Variants in CCDC148 observed in about 807,000 individuals in gnomAD.
The protein encoded by CCDC148 is coiled-coil domain-containing protein 148.
In CCDC148, 89 loss-of-function variants were observed where a neutral mutation model predicts 85.7. The observed-to-expected ratio is 1.04, with a 90% CI of 0.87 to 1.24. CCDC148 has a LOEUF of 1.24. CCDC148 is among the 50% of genes most tolerant of loss of function. The pLI, the probability that CCDC148 is intolerant of heterozygous loss-of-function variation, is 0.00. For missense variants in CCDC148, 692 were observed against 671.7 expected (o/e 1.03, Z -0.33); for synonymous variants, 230 against 213.9 (o/e 1.08, Z -0.66).
chr2:158,434,466 C>T (rs951999787), intron 1 of CCDC148, among the ~76,000 whole-genome samples: 46 of 152,150 alleles, frequency 3.0e-4, no homozygotes, highest in African/African-American at 8.2e-4. Context: ...AAAACACCAA[C>T]TGTATGTCAC....
chr2:158,339,045 C>T lies in CCDC148; in HGVS notation c.527G>A (p.Arg176Lys). The T allele has an allele frequency of 6.2e-7, 1 of 1,613,888 alleles. No homozygotes were observed. Among genetic ancestry groups the T allele is most frequent in the Non-Finnish European group, 8.5e-7 (1 of 1,179,872 alleles). ...TATTCTCTGTTGCTCCAGCCTAAGT[C>T]TTTCAAAGACAGTTTTCAATTGTTT... ...VKKQLKTVFE[R>K]LRLEQQRIEN... The change falls in exon 6 of 14, where the codon AGA (arginine) becomes AAA (lysine). Residue 176 changes from arginine (R) to lysine (K), a missense_variant. Physicochemically the swap from Arg to Lys is conservative, Grantham distance 26 (BLOSUM62 2). Transcript: ENST00000283233.
chr2:158,321,900 AG>A (rs1393128549), intron 7 of CCDC148, among the ~76,000 whole-genome samples: 1 of 152,178 alleles, frequency 6.6e-6, no homozygotes, highest in Non-Finnish European at 1.5e-5. Context: ...CTTTCACATA[AG>A]GACAGTGAAA....
intron 1 of CCDC148, among the ~76,000 whole-genome samples, chr2:158,433,547 G>A (rs577073183): frequency 4.5e-4 from 69 of 152,220 alleles, no homozygotes; most frequent in African/African-American, 1.6e-3. Context: ...CCAGTCTACA[G>A]CTCCCAGCAT....
intron 1 of CCDC148, among the ~76,000 whole-genome samples, chr2:158,411,671 A>G (rs1169850291): frequency 6.6e-6 from 1 of 152,092 alleles, no homozygotes; most frequent in Non-Finnish European, 1.5e-5. Context: ...TTTGTCAGGC[A>G]ATTTGTAGAT....
intron 10 of CCDC148, among the ~76,000 whole-genome samples, chr2:158,239,076 T>C (rs1027475877): frequency 3.3e-5 from 5 of 152,140 alleles, no homozygotes; most frequent in Admixed American, 1.3e-4. Context: ...GTTAAGAAGA[T>C]TAAATGAACA....
chr2:158,345,939 T>G (rs754535674), intron 2 of CCDC148, among the ~76,000 whole-genome samples: 3 of 152,206 alleles, frequency 2.0e-5, no homozygotes, highest in African/African-American at 4.8e-5. Flanking sequence ...AAGTGCGTCT[T>G]TGTAAAAAAA....
At chr2:158,400,624 A>G (rs1361395236) in intron 1 of CCDC148, among the ~76,000 whole-genome samples, 1 of 152,190 alleles carries the variant, frequency 6.6e-6, no homozygotes, top group African/African-American at 2.4e-5. Context: ...AACCTAGGCA[A>G]TACCATTCAG....
chr2:158,417,029 T>G (rs1686531669), intron 1 of CCDC148, among the ~76,000 whole-genome samples: 1 of 151,770 alleles, frequency 6.6e-6, no homozygotes, highest in Admixed American at 6.6e-5. Context: ...AAGGGAGAGG[T>G]GCTATACACT....
At chr2:158,415,184 A>C (rs1252697011) in intron 1 of CCDC148, among the ~76,000 whole-genome samples, 1 of 151,828 alleles carries the variant, frequency 6.6e-6, no homozygotes, top group African/African-American at 2.4e-5. Context: ...CAGGCTGTAC[A>C]GGAGGCATGG....
intron 1 of CCDC148, among the ~76,000 whole-genome samples, chr2:158,434,293 G>A (rs555180586): frequency 6.6e-6 from 1 of 152,294 alleles, no homozygotes; most frequent in South Asian, 2.1e-4. Context: ...GGATCAGGCA[G>A]CAACATTTGT....
intron 9 of CCDC148, among the ~76,000 whole-genome samples, chr2:158,253,864 A>G (rs552029128): frequency 4.5e-4 from 68 of 151,756 alleles, no homozygotes; most frequent in African/African-American, 1.6e-3. Flanking sequence ...ATCACAGAGG[A>G]ACAAGCAGAC....
intron 1 of CCDC148, among the ~76,000 whole-genome samples, chr2:158,422,476 A>T (rs1686847541): frequency 6.6e-6 from 1 of 152,182 alleles, no homozygotes; most frequent in African/African-American, 2.4e-5. Context: ...AGAACCAAAG[A>T]CAAATCCACA....
rs145642424 is a variant in CCDC148 at position 158,432,926 on chromosome 2, T to C, written c.25+23489A>G. Among the ~76,000 whole-genome samples the C allele has an allele frequency of 4.9e-3, 737 of 150,654 alleles. 3 individuals are homozygous for C. Among genetic ancestry groups the C allele is most frequent in the African/African-American group, 0.017 (703 of 40,968 alleles). On this transcript the variant is annotated intron_variant, in intron 1 of 13. Transcript: ENST00000283233. The stretch of plus-strand genomic sequence containing the variant: ...GTGTATGATGTGATGCCTCAAATCA[T>C]ACACAAAAATTAACATAGGTAAAAT...
At chr2:158,387,046 T>G (rs1238551780) in intron 1 of CCDC148, among the ~76,000 whole-genome samples, 1 of 152,194 alleles carries the variant, frequency 6.6e-6, no homozygotes, top group Non-Finnish European at 1.5e-5. Context: ...TCTGTGTTCT[T>G]TTGAAACCTT....
At chr2:158,175,595 A>G (rs2105257549) in intron 13 of CCDC148, among the ~76,000 whole-genome samples, 1 of 152,052 alleles carries the variant, frequency 6.6e-6, no homozygotes. Flanking sequence ...CCTCCAGACA[A>G]GATCAGCCTA....
chr2:158,252,732 A>T (rs1163662241), intron 9 of CCDC148, among the ~76,000 whole-genome samples: 3 of 150,920 alleles, frequency 2.0e-5, no homozygotes, highest in Admixed American at 6.6e-5. Flanking sequence ...TTAACCTCCA[A>T]CCTCTCTATC....
intron 9 of CCDC148, among the ~76,000 whole-genome samples, chr2:158,272,184 T>C (rs1689728675): frequency 6.6e-6 from 1 of 152,186 alleles, no homozygotes; most frequent in Non-Finnish European, 1.5e-5. Context: ...AGAAGATTTA[T>C]AGTGGGAAAT....
At chr2:158,278,428 C>T (rs1369487188) in intron 9 of CCDC148, among the ~76,000 whole-genome samples, 1 of 152,198 alleles carries the variant, frequency 6.6e-6, no homozygotes, top group Non-Finnish European at 1.5e-5. Flanking sequence ...CACCCTAATA[C>T]CGCACTTTTC....
intron 1 of CCDC148, among the ~76,000 whole-genome samples, chr2:158,397,439 AC>A (rs1487023177): frequency 4.6e-5 from 7 of 152,108 alleles, no homozygotes; most frequent in African/African-American, 1.7e-4. Flanking sequence ...CTCTGCAGAA[AC>A]CCTACAAGCC....
Sources: gnomAD v4.1 joint callset for allele counts (sites outside exome capture counted in the v4.1 genomes callset) on GRCh38, gnomAD v4.1.1 for gene constraint, MANE v1.5 for transcripts, NCBI Gene and HGNC (gene_info 2026-07-23, HGNC 2026-07-21) for gene names.